The following PRR16 variants were observed in gnomAD, a reference collection of about 807,000 sequenced individuals.
The protein encoded by PRR16 is protein Largen.
Under a neutral mutation model 18.2 loss-of-function variants are expected in PRR16, and 6 were observed. The ratio of observed to expected loss-of-function variants is 0.33; its 90% CI spans 0.18 to 0.65. PRR16 has a LOEUF of 0.65. Ranked by LOEUF, PRR16 falls within the 30% of genes least tolerant of loss-of-function variation. PRR16 has a pLI of 0.74. For synonymous variants in PRR16, 151 were observed against 147.8 expected (o/e 1.02, Z -0.16); for missense variants, 412 against 376.6 (o/e 1.09, Z -0.78).
the PRR16 span, among the ~76,000 whole-genome samples, chr5:120,754,497 T>TAATATAA: frequency 2.5e-4 from 12 of 47,552 alleles, no homozygotes; most frequent in Non-Finnish European, 4.1e-4. Flanking sequence ...ATAGTATGTA[T>TAATATAA]TTTATTATGT....
chr5:120,545,952 G>T (rs1204125089), intron 1 of PRR16, among the ~76,000 whole-genome samples: 28 of 152,024 alleles, frequency 1.8e-4, no homozygotes, highest in Admixed American at 1.8e-3. Flanking sequence ...TTGATAGCAT[G>T]GTTAGGTGAT....
At chr5:120,617,153 G>C (rs1317913165) in intron 1 of PRR16, 1 of 985,188 alleles carries the variant, frequency 1.0e-6, no homozygotes, top group Non-Finnish European at 1.2e-6. Flanking sequence ...AGTGCTGCAG[G>C]CATACAGTGA....
intron 1 of PRR16, among the ~76,000 whole-genome samples, chr5:120,615,925 A>T (rs1387636760): frequency 6.6e-6 from 1 of 151,814 alleles, no homozygotes; most frequent in Non-Finnish European, 1.5e-5. Flanking sequence ...ATGAAGTTAA[A>T]CTCCTTGAGC....
At chr5:120,609,089 T>TA (rs971728672) in intron 1 of PRR16, among the ~76,000 whole-genome samples, 1 of 152,150 alleles carries the variant, frequency 6.6e-6, no homozygotes, top group Non-Finnish European at 1.5e-5. Context: ...GATGTTCTTT[T>TA]TTTTTCAACA....
At chr5:120,693,548 A>T in the PRR16 span, among the ~76,000 whole-genome samples, 8 of 152,392 alleles carry the variant, frequency 5.2e-5, no homozygotes, top group Admixed American at 2.6e-4. Flanking sequence ...CTGAATAGAC[A>T]GAGCCACTAA....
At chr5:120,733,172 G>T in the PRR16 span, among the ~76,000 whole-genome samples, 1 of 152,086 alleles carries the variant, frequency 6.6e-6, no homozygotes, top group African/African-American at 2.4e-5. Context: ...TTGAGACAGA[G>T]TCTTGTTCTG....
the PRR16 span, among the ~76,000 whole-genome samples, chr5:120,789,222 G>A: frequency 6.6e-6 from 1 of 152,078 alleles, no homozygotes; most frequent in Non-Finnish European, 1.5e-5. Flanking sequence ...TATTGTGAGT[G>A]TAAGCATCAA....
intron 1 of PRR16, among the ~76,000 whole-genome samples, chr5:120,676,545 T>TGTGTGTGTGC (rs1446819247): frequency 1.3e-5 from 2 of 150,508 alleles, no homozygotes; most frequent in Non-Finnish European, 3.0e-5. Context: ...TGTGTGTGTG[T>TGTGTGTGTGC]GTGCGTGTGT....
chr5:120,738,727 G>A, the PRR16 span, among the ~76,000 whole-genome samples: 1 of 152,142 alleles, frequency 6.6e-6, no homozygotes, highest in Admixed American at 6.5e-5. Context: ...GTACCGACTT[G>A]ATTGGACTTC....
At chr5:120,709,210 T>C in the PRR16 span, among the ~76,000 whole-genome samples, 1 of 151,854 alleles carries the variant, frequency 6.6e-6, no homozygotes, top group East Asian at 1.9e-4. Flanking sequence ...GGTTTCACCA[T>C]GTTAGCCAGG....
At position 120,686,389 on chromosome 5, in the gene PRR16, G is replaced by C. The variant is rs1181121807; in HGVS notation, c.595G>C (p.Ala199Pro). The C allele has an allele frequency of 1.2e-6, 2 of 1,614,098 alleles. No individual in the cohort carries two copies. Among genetic ancestry groups the C allele is most frequent in the Admixed American group, 3.3e-5 (2 of 60,002 alleles). Residue 199 changes from alanine (A) to proline (P), a missense_variant, in exon 2 of 2, where the codon GCA (alanine) becomes CCA (proline). Ala to Pro is a conservative substitution (Grantham distance 27, BLOSUM62 -1). Transcript: ENST00000407149. ...ACCTGAAAAAGACAGATGTCCCCAG[G>C]CAGGGCCTCGAGAACGAGTTCGGTT... The part of the protein sequence containing the change: ...HRPEKDRCPQ[A>P]GPRERVRFNE...
the PRR16 span, among the ~76,000 whole-genome samples, chr5:120,760,280 A>C: frequency 6.6e-6 from 1 of 152,102 alleles, no homozygotes; most frequent in Non-Finnish European, 1.5e-5. Context: ...TTCATGTTTA[A>C]ATTAATTTAT....
intron 1 of PRR16, among the ~76,000 whole-genome samples, chr5:120,545,266 A>T (rs1752040304): frequency 6.6e-6 from 1 of 152,130 alleles, no homozygotes; most frequent in Admixed American, 6.6e-5. Context: ...AAATAAAATT[A>T]GATTTCGTTA....
At position 120,686,410 on chromosome 5, in the gene PRR16, C is replaced by A. The variant is rs137912065; in HGVS notation, c.616C>A (p.Arg206=). The A allele has an allele frequency of 6.2e-7, 1 of 1,614,056 alleles. No homozygotes were observed. Among genetic ancestry groups the A allele is most frequent in the Middle Eastern group, 1.6e-4 (1 of 6,062 alleles). ...CPQAGPRERV[R]FNEKVQYHGY... ...CCAGGCAGGGCCTCGAGAACGAGTTCGGTTTAATGAAAAAGTACAGTACCA... is the reference window on the plus strand; with the variant it reads ...CCAGGCAGGGCCTCGAGAACGAGTTAGGTTTAATGAAAAAGTACAGTACCA... The change falls in exon 2 of 2, where the codon CGG becomes AGG. Residue 206 remains arginine, a synonymous_variant. Coordinates refer to ENST00000407149, the MANE Select transcript of PRR16 (RefSeq NM_001300783.2).
chr5:120,604,244 G>T (rs1359447059), intron 1 of PRR16, among the ~76,000 whole-genome samples: 3 of 152,022 alleles, frequency 2.0e-5, no homozygotes. Flanking sequence ...CCTGTGGTGG[G>T]AGCATATATT....
At position 120,471,216 on chromosome 5, in the gene PRR16, T is replaced by C. The variant is rs138415499; in HGVS notation, c.159+6571T>C. Among the ~76,000 whole-genome samples the C allele has an allele frequency of 3.7e-4, 57 of 152,284 alleles. No individual in the cohort carries two copies. The East Asian group carries it at 0.01, about 27-fold the overall frequency. ...GCAATTTAAAATTTGCAAATAAAGA[T>C]GTGCTGTGATTAATTACCTTTAACT... On this transcript the variant is annotated intron_variant, in intron 1 of 1. Transcript: ENST00000407149.
In PRR16 at chr5:120,660,644, T is replaced by C. The variant is rs185201744; in HGVS notation, c.160-25310T>C. ...AATGACACAGATACAACAAAACCCC[T>C]GATTCCCTTGCTGTCAAGCCAATCT... On this transcript the variant is annotated intron_variant, in intron 1 of 1. Coordinates refer to ENST00000407149, the MANE Select transcript of PRR16 (RefSeq NM_001300783.2). Among the ~76,000 whole-genome samples the C allele has an allele frequency of 1.6e-3, 243 of 152,168 alleles. 1 individual carries two copies. Among genetic ancestry groups the C allele is most frequent in the Middle Eastern group, 3.4e-3 (1 of 294 alleles).
At chr5:120,641,985 C>T (rs115793326) in intron 1 of PRR16, among the ~76,000 whole-genome samples, 10 of 152,178 alleles carry the variant, frequency 6.6e-5, no homozygotes, top group African/African-American at 2.4e-4. Flanking sequence ...TCCGTTTACT[C>T]AAGCCAGAAA....
intron 1 of PRR16, among the ~76,000 whole-genome samples, chr5:120,469,803 T>C (rs192328253): frequency 6.6e-6 from 1 of 152,344 alleles, no homozygotes; most frequent in Non-Finnish European, 1.5e-5. Context: ...CATGATGGCC[T>C]AGCAGTTACC....
Sources: gnomAD v4.1 joint callset for allele counts (sites outside exome capture counted in the v4.1 genomes callset) on GRCh38, gnomAD v4.1.1 for gene constraint, MANE v1.5 for transcripts, NCBI Gene and HGNC (gene_info 2026-07-23, HGNC 2026-07-21) for gene names.